The following DIP2A variants were observed in gnomAD, a reference collection of about 807,000 sequenced individuals.
DIP2A encodes the protein DIP2 acetate--CoA ligase A.
In DIP2A, 85 loss-of-function variants were observed where a neutral mutation model predicts 177.4. The observed-to-expected ratio is 0.48, with a 90% CI of 0.40 to 0.57. The LOEUF (loss-of-function observed/expected upper bound fraction) is 0.57, where lower values mean the gene tolerates loss of function less well. Ranked by LOEUF, DIP2A falls within the 20% of genes least tolerant of loss-of-function variation. The pLI is 0.00. For missense variants in DIP2A, 1,791 were observed against 2,100.2 expected, an observed-to-expected ratio of 0.85 and a Z score of 2.88; for synonymous variants, 886 against 881.8, an observed-to-expected ratio of 1.00 and a Z score of -0.08.
In DIP2A at chr21:46,498,586, G is replaced by A. The variant is rs371509692; in HGVS notation, c.408G>A (p.Thr136=). ...TCATCGTTATTTTAACCACAGACAC[G>A]TCGTCTGCCTCAGAAGATGAGGGCT... ...SSVETYTPPD[T]SSASEDEGSL... is the part of the protein sequence containing the mutation. Residue 136 remains threonine (T), a synonymous_variant, in exon 5 of 38, where the codon ACG becomes ACA. Coordinates refer to ENST00000417564, the MANE Select transcript of DIP2A (RefSeq NM_015151.4). The surrounding 1 kb of genome is among the most constrained non-coding windows in gnomAD (Gnocchi z 4.3). The A allele has an allele frequency of 3.2e-5, 52 of 1,605,736 alleles. No homozygotes were observed. The highest frequency in any genetic ancestry group is 3.7e-5 in the Non-Finnish European group (44 of 1,174,512).
At chr21:46,484,350 A>T (rs1165453082) in intron 1 of DIP2A, among the ~76,000 whole-genome samples, 1 of 152,216 alleles carries the variant, frequency 6.6e-6, no homozygotes, top group African/African-American at 2.4e-5. Flanking sequence ...GCATATGCTC[A>T]TGTAACCACC....
In DIP2A at chr21:46,532,348, G is replaced by A. The variant is rs535575090; in HGVS notation, c.1305+111G>A. 6.7e-5 allele frequency: 58 copies of A among 868,422 alleles called. No individual in the cohort carries two copies. The South Asian group carries it at 1.0e-3, about 15-fold the overall frequency. 53.8% of individuals were successfully genotyped at this position (868,422 alleles called of 1,614,324 possible). A position where few individuals can be genotyped will look rare whatever the true frequency, so the allele number is the denominator to read the frequency against. On this transcript the variant is annotated intron_variant, in intron 10 of 37. Coordinates refer to ENST00000417564, the MANE Select transcript of DIP2A (RefSeq NM_015151.4). ...CAGGCAGCAAGCAGCTGTTTTGACA[G>A]AGGAGAGAAAGCTAGTAGTCAACAG...
chr21:46,476,229 C>G (rs965367226), intron 1 of DIP2A, among the ~76,000 whole-genome samples: 9 of 144,206 alleles, frequency 6.2e-5, no homozygotes, highest in African/African-American at 1.6e-4. Flanking sequence ...GGGGACTGAT[C>G]AAGACTCCGT....
intron 1 of DIP2A, among the ~76,000 whole-genome samples, chr21:46,478,747 TG>T (rs1787865025): frequency 2.0e-5 from 3 of 149,044 alleles, no homozygotes; most frequent in African/African-American, 7.7e-5. Context: ...CTAGAATTTA[TG>T]TTTTTTTTTT....
intron 8 of DIP2A, among the ~76,000 whole-genome samples, chr21:46,522,421 A>C (rs1402252431): frequency 6.6e-6 from 1 of 152,222 alleles, no homozygotes; most frequent in Admixed American, 6.5e-5. Context: ...TCTGGAGCCT[A>C]ATAAGCAGCT....
chr21:46,518,823 C>T (rs9981156), intron 8 of DIP2A, among the ~76,000 whole-genome samples: 24,321 of 152,252 alleles, frequency 0.16, 2,209 homozygotes, highest in African/African-American at 0.21. Flanking sequence ...CACCGCTGCA[C>T]TGCAGCCTAA....
chr21:46,558,137 C>T (rs967825956), intron 31 of DIP2A, 86 bp from the exon 32 acceptor site: 13 of 1,398,066 alleles, frequency 9.3e-6, no homozygotes, highest in South Asian at 1.4e-5. Context: ...TCTGTGTGCC[C>T]ACCCGGAGAT....
chr21:46,487,372 C>A (rs893427348), intron 2 of DIP2A, among the ~76,000 whole-genome samples: 82 of 152,120 alleles, frequency 5.4e-4, no homozygotes, highest in African/African-American at 2.0e-3. Context: ...CCCATTTGTC[C>A]AAAATCACCA....
At chr21:46,560,430 C>T (rs2060625220) in intron 32 of DIP2A, among the ~76,000 whole-genome samples, 1 of 152,162 alleles carries the variant, frequency 6.6e-6, no homozygotes, top group African/African-American at 2.4e-5. Flanking sequence ...AGCAAGAGAC[C>T]AGTGGGAATA....
chr21:46,466,073 G>A (rs1409101736), intron 1 of DIP2A, among the ~76,000 whole-genome samples: 1 of 152,218 alleles, frequency 6.6e-6, no homozygotes, highest in Non-Finnish European at 1.5e-5. Context: ...ATCTGCTACA[G>A]TGAGCTTGAC....
rs917220192 is a variant in DIP2A, at chr21:46,554,390, A to C, written c.3154+98A>C. 1.3e-4 allele frequency: 198 copies of C among 1,562,718 alleles called. 1 individual carries two copies. In the Admixed American group the frequency reaches 3.5e-3, roughly 27 times the overall value. On this transcript the variant is annotated intron_variant, in intron 26 of 37. Transcript: ENST00000417564. ...ACTCCCTCCCCGAAGCATCTTCCAA[A>C]ACTAAGCTCAGCCCCTCCTCTCTGC...
chr21:46,512,830 CTT>C (rs34912235), intron 8 of DIP2A, among the ~76,000 whole-genome samples: 1 of 150,116 alleles, frequency 6.7e-6, no homozygotes, highest in Non-Finnish European at 1.5e-5. Context: ...ACAAAAAAAA[CTT>C]TTTTTTTGTA....
In DIP2A at chr21:46,533,913, C is replaced by G. The variant is rs111496392; in HGVS notation, c.1430-91C>G. The G allele has an allele frequency of 3.9e-5, 44 of 1,129,222 alleles. No individual in the cohort carries two copies. The African/African-American group carries it at 4.5e-4, about 11-fold the overall frequency. 70.0% of individuals were successfully genotyped at this position (1,129,222 alleles called of 1,614,324 possible). On this transcript the variant is annotated intron_variant, in intron 11 of 37. Coordinates refer to ENST00000417564, the MANE Select transcript of DIP2A (RefSeq NM_015151.4). ...CTTGCACTCCTTATTCGCTCAGTAG[C>G]TAGTGCTGCATGTTGGAGGCGCAGG... is the stretch of plus-strand genomic sequence containing the variant.
intron 8 of DIP2A, among the ~76,000 whole-genome samples, chr21:46,513,988 T>C (rs2058430497): frequency 6.6e-6 from 1 of 152,206 alleles, no homozygotes; most frequent in Non-Finnish European, 1.5e-5. Flanking sequence ...CCTGCTTCAA[T>C]TTCTGTCAGT....
chr21:46,554,386 C>T, intron 26 of DIP2A, 94 bp downstream of exon 26: 1 of 1,566,104 alleles, frequency 6.4e-7, no homozygotes, highest in Non-Finnish European at 8.7e-7. Context: ...GAAGCATCTT[C>T]CAAAACTAAG....
At chr21:46,542,481 C>T (rs1323474360) in intron 18 of DIP2A, among the ~76,000 whole-genome samples, 4 of 152,226 alleles carry the variant, frequency 2.6e-5, no homozygotes, top group African/African-American at 9.6e-5. Context: ...TGGAAGCTTC[C>T]CAGAAATTCC....
chr21:46,484,817 C>A lies in DIP2A; in HGVS notation c.152C>A (p.Pro51Gln). Reference sequence around the variant, plus strand: ...GCAAAGCTGCTTGCACGTTATATACCGCTTATTCAAGGTAAGGTCAATACA... The same window carrying A: ...GCAAAGCTGCTTGCACGTTATATACAGCTTATTCAAGGTAAGGTCAATACA... The part of the protein sequence containing the change: ...KRAKLLARYI[P>Q]LIQGIDPSLQ... The change falls in exon 2 of 38, where the codon CCG becomes CAG. Residue 51 changes from proline to glutamine, a missense_variant. By Grantham distance (76) the Pro-to-Gln change is moderately conservative (BLOSUM62 -1). Coordinates refer to ENST00000417564, the MANE Select transcript of DIP2A (RefSeq NM_015151.4). 6.3e-7 allele frequency: 1 copy of A among 1,581,710 alleles called. No individual in the cohort carries two copies. The highest frequency in any genetic ancestry group is 2.3e-5 in the East Asian group (1 of 43,858).
At chr21:46,546,080 G>C (rs1252969368) in intron 20 of DIP2A, 119 bp downstream of exon 20, 5 of 1,547,638 alleles carry the variant, frequency 3.2e-6, no homozygotes, top group Admixed American at 3.7e-5. Context: ...ATGTGGCCTT[G>C]GTCGGTGGCG....
intron 35 of DIP2A, among the ~76,000 whole-genome samples, chr21:46,564,673 G>A (rs2060778208): frequency 6.6e-6 from 1 of 152,186 alleles, no homozygotes; most frequent in African/African-American, 2.4e-5. Context: ...TCATTTGTGA[G>A]CTCTGCTGTG....
Sources: allele counts gnomAD v4.1 joint callset (sites outside exome capture counted in the v4.1 genomes callset), GRCh38; gene constraint gnomAD v4.1.1; non-coding constraint Gnocchi (gnomAD v3.1); transcripts MANE v1.5; gene names NCBI Gene and HGNC (gene_info 2026-07-23, HGNC 2026-07-21).